Variants in DKKL1 observed in about 807,000 individuals in gnomAD.
DKKL1 encodes the protein dickkopf like acrosomal protein 1.
In DKKL1, 11 loss-of-function variants were observed where a neutral mutation model predicts 16.5. The observed-to-expected ratio is 0.67, with a 90% CI of 0.42 to 1.10. DKKL1 has a LOEUF of 1.10. DKKL1 is among the 50% of genes least tolerant of loss of function. The pLI is 0.00. For missense variants in DKKL1, 320 were observed against 308.1 expected (o/e 1.04, Z -0.29); for synonymous variants, 119 against 133.2 (o/e 0.89, Z 0.73).
intron 4 of DKKL1, 78 bp from the exon 5 acceptor site, chr19:49,374,639 C>T (rs1973649062): frequency 7.3e-7 from 1 of 1,370,146 alleles, no homozygotes. Flanking sequence ...GCAAAGTGGG[C>T]TGAATAGGTC....
intron 2 of DKKL1, 22 bp downstream of exon 2, chr19:49,364,776 G>A (rs1483559442): frequency 1.2e-6 from 2 of 1,607,268 alleles, no homozygotes; most frequent in South Asian, 1.1e-5. Flanking sequence ...CGGGGGGATG[G>A]GGGAAGAAGT....
At position 49,375,111 on chromosome 19, in the gene DKKL1, A is replaced by C; in HGVS notation, c.*83A>C. 7.1e-7 allele frequency: 1 copy of C among 1,407,878 alleles called. No individual in the cohort carries two copies. The highest frequency in any genetic ancestry group is 1.4e-5 in the African/African-American group (1 of 69,458). 87.2% of individuals were successfully genotyped at this position (1,407,878 alleles called of 1,614,324 possible). On this transcript the variant is annotated 3_prime_UTR_variant, in exon 5 of 5. Coordinates refer to ENST00000221498, the MANE Select transcript of DKKL1 (RefSeq NM_014419.4). ...ATATGGAAATAAAGTTCTTTCTTACATCTAACAACACCATCTCCTTTCACT... is the reference window on the plus strand; with the variant it reads ...ATATGGAAATAAAGTTCTTTCTTACCTCTAACAACACCATCTCCTTTCACT...
chr19:49,373,329 A>T (rs898600987), intron 4 of DKKL1, among the ~76,000 whole-genome samples: 6 of 151,674 alleles, frequency 4.0e-5, no homozygotes, highest in African/African-American at 1.5e-4. Flanking sequence ...GAACACAGTC[A>T]TGTTGGATTA....
chr19:49,366,713 G>GGT (rs1555787940), intron 4 of DKKL1, among the ~76,000 whole-genome samples: 39 of 144,662 alleles, frequency 2.7e-4, no homozygotes, highest in Non-Finnish European at 4.7e-4. Context: ...TGTTTTTTTG[G>GGT]TTTTTTTTTT....
chr19:49,374,670 G>A (rs769425852), intron 4 of DKKL1, 47 bp from the exon 5 acceptor site: 7 of 1,500,590 alleles, frequency 4.7e-6, no homozygotes, highest in Non-Finnish European at 6.2e-6. Context: ...GACCATCCTG[G>A]GGTGCTGTTT....
rs553158095 is a variant in DKKL1, at chr19:49,372,566, C to T, written c.418-2151C>T. Among the ~76,000 whole-genome samples the T allele has an allele frequency of 8.6e-5, 13 of 151,854 alleles. No homozygotes were observed. In the East Asian group the frequency reaches 1.6e-3, roughly 18 times the overall value. On this transcript the variant is annotated intron_variant, in intron 4 of 4. Coordinates refer to ENST00000221498, the MANE Select transcript of DKKL1 (RefSeq NM_014419.4). ...AAAATTAGCCAGGCATGGTGGCAGG[C>T]GCCTGTAGTCCCAGCTACTCAGAAG...
At chr19:49,361,414 G>C (rs972872894), upstream of DKKL1, 1 of 153,494 alleles carries the variant, frequency 6.5e-6, no homozygotes, top group African/African-American at 2.4e-5. Flanking sequence ...GGCAGGGACA[G>C]AGACTCAGGG....
chr19:49,369,325 T>G (rs550717774), intron 4 of DKKL1: 62 of 142,212 alleles, frequency 4.4e-4, no homozygotes, highest in African/African-American at 1.6e-3. Context: ...GCTAATTTTT[T>G]TTTGTTTGTT....
At chr19:49,373,136 T>G (rs1244120399) in intron 4 of DKKL1, among the ~76,000 whole-genome samples, 1 of 151,984 alleles carries the variant, frequency 6.6e-6, no homozygotes, top group East Asian at 1.9e-4. Context: ...AAACCCCGTC[T>G]CTACTAAAAA....
chr19:49,369,760 C>T (rs993892203), intron 4 of DKKL1: 3 of 154,134 alleles, frequency 1.9e-5, no homozygotes, highest in Non-Finnish European at 4.3e-5. Flanking sequence ...GCAGATGGCA[C>T]GGCTCTGTGG....
chr19:49,361,467 A>G, upstream of DKKL1: 1 of 152,752 alleles, frequency 6.5e-6, no homozygotes, highest in Non-Finnish European at 1.5e-5. Flanking sequence ...CAGAACCACA[A>G]GCTGGGGGAC....
At chr19:49,369,184 T>G (rs1973376169) in intron 4 of DKKL1, 1 of 152,128 alleles carries the variant, frequency 6.6e-6, no homozygotes, top group Non-Finnish European at 1.5e-5. Flanking sequence ...CTGAGAAAAC[T>G]TTTTGTCTGA....
intron 4 of DKKL1, among the ~76,000 whole-genome samples, chr19:49,373,750 T>G (rs1206407868): frequency 1.3e-5 from 2 of 151,984 alleles, no homozygotes; most frequent in Non-Finnish European, 2.9e-5. Context: ...ATTACACACA[T>G]GAGCCACCGC....
intron 4 of DKKL1, among the ~76,000 whole-genome samples, chr19:49,368,327 A>G (rs1178308190): frequency 2.0e-5 from 3 of 150,842 alleles, no homozygotes; most frequent in East Asian, 1.9e-4. Context: ...AAAAAAAAAA[A>G]AATCAAAAAA....
rs1973177477 is a variant in DKKL1 at position 49,364,596 on chromosome 19, C to A, written c.25C>A (p.Pro9Thr). ...CCTTGCCACAGCCTCCCCACCTGCCCCCGCAAGGCGGCATCTGCTGGTCCT... is the reference window on the plus strand; with the variant it reads ...CCTTGCCACAGCCTCCCCACCTGCCACCGCAAGGCGGCATCTGCTGGTCCT... The part of the protein sequence containing the change: MGEASPPA[P>T]ARRHLLVLLL... The change falls in exon 2 of 5, where the codon CCC becomes ACC. Residue 9 changes from proline (P) to threonine (T), a missense_variant. Physicochemically the swap from Pro to Thr is conservative, Grantham distance 38 (BLOSUM62 -1). Coordinates refer to ENST00000221498, the MANE Select transcript of DKKL1 (RefSeq NM_014419.4). 9.9e-6 allele frequency: 16 copies of A among 1,611,380 alleles called. No homozygotes were observed. The highest frequency in any genetic ancestry group is 1.3e-5 in the African/African-American group (1 of 74,856).
At chr19:49,373,536 CT>C (rs1169641874) in intron 4 of DKKL1, among the ~76,000 whole-genome samples, 3 of 152,068 alleles carry the variant, frequency 2.0e-5, no homozygotes, top group African/African-American at 7.2e-5. Context: ...ATGGCACAAT[CT>C]TGACTCACTG....
intron 4 of DKKL1, among the ~76,000 whole-genome samples, chr19:49,373,048 A>C (rs1973565554): frequency 6.6e-6 from 1 of 151,858 alleles, no homozygotes; most frequent in South Asian, 2.1e-4. Flanking sequence ...TCACGCCTGT[A>C]ATCCCAGCAC....
At chr19:49,365,407 A>G in intron 2 of DKKL1, 102 bp from the exon 3 acceptor site, 1 of 1,397,858 alleles carries the variant, frequency 7.2e-7, no homozygotes, top group Non-Finnish European at 9.5e-7. Flanking sequence ...GATGGGAGGG[A>G]CTTGGGGCAA....
rs537755411 is a variant in DKKL1 at position 49,365,542 on chromosome 19, T to G, written c.217T>G (p.Ser73Ala). ...GCTTCGGGGCATAGACAGCTTATTC[T>G]CTGCCCCCATGGACTTCCGGGGCCT... ...NLLRGIDSLF[S>A]APMDFRGLPG... Residue 73 changes from serine (S) to alanine (A), a missense_variant, in exon 3 of 5, where the codon TCT becomes GCT. By Grantham distance (99) the Ser-to-Ala change is moderately conservative (BLOSUM62 1). Transcript: ENST00000221498. 9.3e-6 allele frequency: 15 copies of G among 1,613,306 alleles called. No homozygotes were observed. The East Asian group carries it at 3.3e-4, about 36-fold the overall frequency.
Sources: allele counts gnomAD v4.1 joint callset (sites outside exome capture counted in the v4.1 genomes callset), GRCh38; gene constraint gnomAD v4.1.1; transcripts MANE v1.5; gene names NCBI Gene and HGNC (gene_info 2026-07-23, HGNC 2026-07-21).